MEMO1: variants seen among roughly 807,000 people sequenced by gnomAD.
MEMO1 encodes mediator of cell motility 1.
A neutral mutation model predicts 45.2 loss-of-function variants in MEMO1; 6 were observed. That is an observed-to-expected ratio of 0.13 (90% CI 0.07 to 0.26). MEMO1 has a LOEUF of 0.26. MEMO1 is among the 10% of genes least tolerant of loss of function. The probability of loss-of-function intolerance (pLI) is 1.00; values close to 1 mark genes in which losing one functional copy is unlikely to be tolerated. For synonymous variants in MEMO1, 78 were observed against 124.3 expected, an observed-to-expected ratio of 0.63 and a Z score of 2.48; for missense variants, 184 against 370.5, an observed-to-expected ratio of 0.50 and a Z score of 4.13.
At chr2:31,897,030 A>G (rs2148017257) in intron 6 of MEMO1, among the ~76,000 whole-genome samples, 1 of 152,252 alleles carries the variant, frequency 6.6e-6, no homozygotes, top group Non-Finnish European at 1.5e-5. Flanking sequence ...TTTGTCTACT[A>G]TTGGTGTATA....
intron 3 of MEMO1, among the ~76,000 whole-genome samples, chr2:31,941,687 TA>T (rs908446059): frequency 1.3e-5 from 2 of 152,178 alleles, no homozygotes; most frequent in Non-Finnish European, 2.9e-5. Flanking sequence ...TTAAAAGCGT[TA>T]AGGAAATACT....
At chr2:31,949,572 G>A (rs1666584465) in intron 2 of MEMO1, among the ~76,000 whole-genome samples, 1 of 139,530 alleles carries the variant, frequency 7.2e-6, no homozygotes, top group African/African-American at 2.7e-5. Flanking sequence ...GGACATAGTA[G>A]AAGGATGGTT....
intron 6 of MEMO1, among the ~76,000 whole-genome samples, chr2:31,895,476 C>T (rs903197611): frequency 1.3e-5 from 2 of 151,848 alleles, no homozygotes; most frequent in African/African-American, 2.4e-5. Flanking sequence ...GAATAGTAAC[C>T]GAAATAAAAA....
At chr2:31,936,337 T>C (rs1261526796) in intron 3 of MEMO1, among the ~76,000 whole-genome samples, 1 of 152,186 alleles carries the variant, frequency 6.6e-6, no homozygotes, top group African/African-American at 2.4e-5. Flanking sequence ...TCCAAGTCAC[T>C]CTGATTCCCA....
At chr2:31,965,205 C>T (rs1668465697) in intron 2 of MEMO1, among the ~76,000 whole-genome samples, 1 of 145,608 alleles carries the variant, frequency 6.9e-6, no homozygotes, top group African/African-American at 2.5e-5. Context: ...AAGGGCGAAA[C>T]TCCATCAAAA....
At chr2:31,973,993 A>G (rs1558545871) in intron 2 of MEMO1, among the ~76,000 whole-genome samples, 1 of 152,238 alleles carries the variant, frequency 6.6e-6, no homozygotes, top group Non-Finnish European at 1.5e-5. Flanking sequence ...ATCAACAAAG[A>G]AAAAAGACAA....
intron 8 of MEMO1, among the ~76,000 whole-genome samples, chr2:31,874,212 CATCTCATATGAAT>C (rs1674221965): frequency 6.6e-6 from 1 of 151,942 alleles, no homozygotes; most frequent in South Asian, 2.1e-4. Context: ...AACCTATGAC[CATCTCATATGAAT>C]AACTATGACT....
intron 8 of MEMO1, among the ~76,000 whole-genome samples, chr2:31,881,778 G>A (rs1013719988): frequency 2.0e-4 from 31 of 152,058 alleles, no homozygotes; most frequent in African/African-American, 7.5e-4. Context: ...GAGGCAGGAG[G>A]GTTGCTTGAA....
chr2:32,008,453 G>T (rs1011213029), intron 2 of MEMO1, among the ~76,000 whole-genome samples: 2 of 152,154 alleles, frequency 1.3e-5, no homozygotes, highest in South Asian at 4.1e-4. Context: ...GCGTGGTGGC[G>T]CGCGCCTGTA....
chr2:31,941,990 T>C (rs983843882), intron 3 of MEMO1, among the ~76,000 whole-genome samples: 12 of 152,156 alleles, frequency 7.9e-5, no homozygotes, highest in South Asian at 2.1e-4. Flanking sequence ...CTTAACCCAA[T>C]AGAAGTCACA....
intron 2 of MEMO1, among the ~76,000 whole-genome samples, chr2:31,968,455 T>G (rs936486231): frequency 6.6e-6 from 1 of 152,206 alleles, no homozygotes; most frequent in African/African-American, 2.4e-5. Flanking sequence ...AGTCCTGAAC[T>G]ATTTGCCACT....
chr2:31,954,702 T>C (rs1667210822), intron 2 of MEMO1, among the ~76,000 whole-genome samples: 2 of 151,898 alleles, frequency 1.3e-5, no homozygotes, highest in South Asian at 4.1e-4. Context: ...GGCATAGTGG[T>C]GCATACTTGT....
intron 2 of MEMO1, among the ~76,000 whole-genome samples, chr2:32,009,219 T>G (rs1457810129): frequency 6.6e-6 from 1 of 152,148 alleles, no homozygotes; most frequent in Non-Finnish European, 1.5e-5. Context: ...AGCTTAAACT[T>G]AATTCGTTAG....
chr2:31,938,431 G>A (rs1665189384), intron 3 of MEMO1, among the ~76,000 whole-genome samples: 1 of 151,942 alleles, frequency 6.6e-6, no homozygotes, highest in South Asian at 2.1e-4. Flanking sequence ...CGGATCACGA[G>A]GTCAGGAGAT....
At chr2:31,966,790 T>C (rs973470068) in intron 2 of MEMO1, among the ~76,000 whole-genome samples, 14 of 151,566 alleles carry the variant, frequency 9.2e-5, no homozygotes, top group African/African-American at 3.4e-4. Context: ...TGGAAAAATA[T>C]TGTATTTATG....
chr2:31,900,985 A>G (rs34056419), intron 6 of MEMO1, among the ~76,000 whole-genome samples: 18,098 of 152,248 alleles, frequency 0.12, 1,126 homozygotes, highest in Middle Eastern at 0.21. Context: ...ACCATTATTC[A>G]TAATAGCCAA....
chr2:31,891,893 A>G (rs1023503957), intron 7 of MEMO1, 99 bp downstream of exon 7: 11 of 1,250,246 alleles, frequency 8.8e-6, no homozygotes, highest in East Asian at 4.7e-5. Flanking sequence ...CTTTCCAAGG[A>G]AAGTGATAAA....
chr2:31,943,508 A>G (rs1045127293), intron 2 of MEMO1, 125 bp from the exon 3 acceptor site: 1 of 722,204 alleles, frequency 1.4e-6, no homozygotes, highest in Non-Finnish European at 2.5e-6. Flanking sequence ...TAGGATCATC[A>G]GTTGGGATGT....
At chr2:31,995,010 G>A (rs1435970799) in intron 2 of MEMO1, among the ~76,000 whole-genome samples, 1 of 145,550 alleles carries the variant, frequency 6.9e-6, no homozygotes, top group Admixed American at 6.8e-5. Context: ...GAGAGGGAGG[G>A]AGGGAGGAAG....
Sources: gnomAD v4.1 joint callset for allele counts (sites outside exome capture counted in the v4.1 genomes callset) on GRCh38, gnomAD v4.1.1 for gene constraint, MANE v1.5 for transcripts, NCBI Gene and HGNC (gene_info 2026-07-23, HGNC 2026-07-21) for gene names.